GRM6: variants seen among roughly 807,000 people sequenced by gnomAD.
GRM6 encodes the protein metabotropic glutamate receptor 6.
A neutral mutation model predicts 78.4 loss-of-function variants in GRM6; 73 were observed. That is an observed-to-expected ratio of 0.93 (90% confidence interval 0.77 to 1.13). GRM6 has a LOEUF of 1.13. Among genes scored for constraint, GRM6 ranks in the 50% most tolerant of loss-of-function variants. The pLI, the probability that GRM6 is intolerant of heterozygous loss-of-function variation, is 0.00. For missense variants in GRM6, 1,251 were observed against 1,256.4 expected (o/e 1.00, Z 0.07); for synonymous variants, 580 against 555.0 (o/e 1.05, Z -0.63).
rs918523079 is a variant in GRM6 at position 178,988,373 on chromosome 5, T to G, written c.1354+562A>C. 6.6e-6 allele frequency among the ~76,000 whole-genome samples: 1 copy of G among 152,078 alleles called. No homozygotes were observed. The highest frequency in any genetic ancestry group is 1.5e-5 in the Non-Finnish European group (1 of 68,026). Reference sequence around the variant, plus strand: ...GAGTGTTCAGTGGAAGAGCGGAGTTTTGAATTGTGTAAAGGATAGTGATTG... The same window carrying G: ...GAGTGTTCAGTGGAAGAGCGGAGTTGTGAATTGTGTAAAGGATAGTGATTG... On this transcript the variant is annotated intron_variant, in intron 7 of 10. Coordinates refer to ENST00000517717, the MANE Select transcript of GRM6 (RefSeq NM_000843.4). The surrounding 1 kb of genome is among the most constrained non-coding windows in gnomAD (Gnocchi z 6.0).
intron 5 of GRM6, 79 bp downstream of exon 5, chr5:178,990,513 A>G: frequency 8.7e-7 from 1 of 1,151,852 alleles, no homozygotes; most frequent in Non-Finnish European, 1.3e-6. Flanking sequence ...CCAATTACAC[A>G]GATGCAGAAA....
In GRM6 at chr5:178,991,855, C is replaced by A. The variant is rs201103197; in HGVS notation, c.721+12G>T. 6.8e-4 allele frequency: 1,088 copies of A among 1,606,442 alleles called. 1 individual carries two copies. Among genetic ancestry groups the A allele is most frequent in the Non-Finnish European group, 8.4e-4 (988 of 1,173,514 alleles). ...ATGTAGACTCCTTGGTGCCTCGGAGCCCCCAGCTCACCAGCCTCTCGGGAG... is the reference window on the plus strand; with the variant it reads ...ATGTAGACTCCTTGGTGCCTCGGAGACCCCAGCTCACCAGCCTCTCGGGAG... On this transcript the variant is annotated intron_variant, in intron 3 of 10. Transcript: ENST00000517717. This position sits in a 1 kb window ranked among gnomAD's most constrained non-coding sequence, Gnocchi z 5.0.
At position 178,989,318 on chromosome 5, in the gene GRM6, C is replaced by T; in HGVS notation, c.1100G>A (p.Cys367Tyr). ...FAEFWEENFN[C>Y]KLTSSGTQSD... ...CTGGGTACCTGAGCTGGTCAGTTTG[C>T]AGTTAAAATTCTCTTCCCAGAACTC... is the stretch of plus-strand genomic sequence containing the variant. Residue 367 changes from cysteine to tyrosine, a missense_variant, in exon 6 of 11, where the codon TGC (cysteine) becomes TAC (tyrosine). Cys to Tyr is a radical substitution (Grantham distance 194). Coordinates refer to ENST00000517717, the MANE Select transcript of GRM6 (RefSeq NM_000843.4). 2 of 1,603,100 alleles carry T rather than the reference C, an allele frequency of 1.2e-6. No homozygotes were observed. Among genetic ancestry groups the T allele is most frequent in the Non-Finnish European group, 1.7e-6 (2 of 1,174,762 alleles).
chr5:178,986,524 A>T lies in GRM6; in HGVS notation c.1730T>A (p.Val577Glu). 2 of 1,608,472 alleles carry T rather than the reference A, an allele frequency of 1.2e-6. No individual in the cohort carries two copies. The highest frequency in any genetic ancestry group is 1.7e-6 in the Non-Finnish European group (2 of 1,178,438). ...CCAGGGGGAGGACCAGCTCAGGCGC[A>T]CCACAGGTGTGGGGCGGCAGCCCGT... The part of the protein sequence containing the change: ...NHTGCRPTPV[V>E]RLSWSSPWAA... Residue 577 changes from valine (V) to glutamate (E), a missense_variant, in exon 9 of 11, where the codon GTG becomes GAG. Transcript: ENST00000517717.
In GRM6 at chr5:178,989,149, G is replaced by A. The variant is rs201075020; in HGVS notation, c.1154-14C>T. 55 of 1,612,684 alleles carry A rather than the reference G, an allele frequency of 3.4e-5. No individual in the cohort carries two copies. In the East Asian group the frequency reaches 1.1e-3, roughly 33 times the overall value. ...TGCGTTCCTCGCCTGTCCTAGGGAT[G>A]CCCAGAGAAAGTGTGCCCGGCCCCC... On this transcript the variant is annotated splice_polypyrimidine_tract_variant and intron_variant, in intron 6 of 10. Coordinates refer to ENST00000517717, the MANE Select transcript of GRM6 (RefSeq NM_000843.4).
In GRM6 at chr5:178,986,121, C is replaced by A; in HGVS notation, c.2124+9G>T. The A allele has an allele frequency of 6.2e-7, 1 of 1,611,514 alleles. No homozygotes were observed. Among genetic ancestry groups the A allele is most frequent in the Non-Finnish European group, 8.5e-7 (1 of 1,178,804 alleles). On this transcript the variant is annotated intron_variant, in intron 9 of 10. Transcript: ENST00000517717. ...CCCTGCCCTGGCCCTTGGGAGCCTA[C>A]GGACCCACCTGCAGGGAGGTGAGGC...
chr5:178,990,540 G>C, intron 5 of GRM6, 52 bp downstream of exon 5: 10 of 1,439,346 alleles, frequency 6.9e-6, no homozygotes, highest in South Asian at 3.4e-5. Context: ...ATCCCCAAGA[G>C]GGGGTGCTGG....
At chr5:178,989,697 G>A (rs1760638640) in intron 5 of GRM6, 1 of 515,750 alleles carries the variant, frequency 1.9e-6, no homozygotes, top group Non-Finnish European at 3.5e-6. Flanking sequence ...TGCAAACTCA[G>A]AGCCTCACCA....
At position 178,986,305 on chromosome 5, in the gene GRM6, C is replaced by T. The variant is rs1346422578; in HGVS notation, c.1949G>A (p.Cys650Tyr). ...GCCCAGGAAGAGCCTGCGGGCGGCACAGACCGCGGCCCCAGGCTCAGCCAC... is the reference window on the plus strand; with the variant it reads ...GCCCAGGAAGAGCCTGCGGGCGGCATAGACCGCGGCCCCAGGCTCAGCCAC... ...LMVAEPGAAV[C>Y]AARRLFLGLG... The change falls in exon 9 of 11, where the codon TGT becomes TAT. Residue 650 changes from cysteine (C) to tyrosine (Y), a missense_variant. Coordinates refer to ENST00000517717, the MANE Select transcript of GRM6 (RefSeq NM_000843.4). 4 of 1,613,894 alleles carry T rather than the reference C, an allele frequency of 2.5e-6. No individual in the cohort carries two copies. The Admixed American group carries it at 5.0e-5, about 20-fold the overall frequency.
intron 9 of GRM6, among the ~76,000 whole-genome samples, chr5:178,984,086 G>A (rs540601661): frequency 2.6e-4 from 40 of 152,120 alleles, no homozygotes; most frequent in Non-Finnish European, 5.4e-4. Context: ...CCTGAACAAA[G>A]GACCTTCCAA....
rs1760737536 is a variant in GRM6 at position 178,994,517 on chromosome 5, T to TCGGGGGG, written c.421_427dup (p.Glu143AlafsTer48). ...GGCGCCCACGACGGCCACGACGCGC[T>TCGGGGGG]CGGGGGGCGCGGGGCGCAGCGGAGG... On this transcript the variant is annotated frameshift_variant, in exon 2 of 11. Coordinates refer to ENST00000517717, the MANE Select transcript of GRM6 (RefSeq NM_000843.4). LOFTEE classifies it high-confidence loss of function. 1.4e-6 allele frequency: 2 copies of TCGGGGGG among 1,410,184 alleles called. No individual in the cohort carries two copies. Among genetic ancestry groups the TCGGGGGG allele is most frequent in the Non-Finnish European group, 9.2e-7 (1 of 1,088,022 alleles). The allele number at this position is 1,410,184 out of a possible 1,614,324, so 87.4% of individuals were successfully genotyped here.
chr5:178,985,494 G>C (rs1481542250), intron 9 of GRM6: 2 of 341,654 alleles, frequency 5.9e-6, no homozygotes, highest in Admixed American at 4.0e-5. Context: ...ACGAGGTCAG[G>C]AGATCGAGAC....
At chr5:178,985,448 C>T (rs187237525) in intron 9 of GRM6, among the ~76,000 whole-genome samples, 2 of 151,272 alleles carry the variant, frequency 1.3e-5, no homozygotes, top group South Asian at 2.1e-4. Context: ...TCCCGCCTGT[C>T]ATCCCAGCAC....
rs759501962 is a variant in GRM6 at position 178,986,927 on chromosome 5, C to T, written c.1411G>A (p.Asp471Asn). The T allele has an allele frequency of 5.0e-6, 8 of 1,614,070 alleles. No individual in the cohort carries two copies. The highest frequency in any genetic ancestry group is 6.8e-6 in the Non-Finnish European group (8 of 1,179,970). The change falls in exon 8 of 11, where the codon GAC becomes AAC. Residue 471 changes from aspartate to asparagine, a missense_variant. Physicochemically the swap from Asp to Asn is conservative, Grantham distance 23 (BLOSUM62 1). Transcript: ENST00000517717. ...TTGGTCGCCTGGTACTGGAAGATGT[C>T]GTACCGCCCGGGCGCATCTCCGTTC... Reference protein sequence around the residue: ...NENGDAPGRYDIFQYQATNGS... With the variant: ...NENGDAPGRYNIFQYQATNGS...
chr5:178,982,669 ATCTC>A (rs1344930588), intron 10 of GRM6: 2 of 465,676 alleles, frequency 4.3e-6, no homozygotes, highest in African/African-American at 4.2e-5. Context: ...GTGAGGCAAT[ATCTC>A]TCAAAGAAAT....
At chr5:178,994,243 T>A (rs550279655) in intron 2 of GRM6, among the ~76,000 whole-genome samples, 198 bp downstream of exon 2, 28 of 152,252 alleles carry the variant, frequency 1.8e-4, no homozygotes, top group African/African-American at 6.7e-4. Flanking sequence ...GGGGTAGACA[T>A]GGGCGGCTGG....
In GRM6 at chr5:178,991,503, A is replaced by G. The variant is rs1231762338; in HGVS notation, c.778T>C (p.Phe260Leu). Reference sequence around the variant, plus strand: ...ATGAGTCTCCTGATCACCTTGCTGAACTCTCCTGGCTTTGGTTCCCTGGGA... The same window carrying G: ...ATGAGTCTCCTGATCACCTTGCTGAGCTCTCCTGGCTTTGGTTCCCTGGGA... ...KIPREPKPGE[F>L]SKVIRRLMET... The change falls in exon 4 of 11, where the codon TTC becomes CTC. Residue 260 changes from phenylalanine to leucine, a missense_variant. Physicochemically the swap from Phe to Leu is conservative, Grantham distance 22. Transcript: ENST00000517717. This position sits in a 1 kb window ranked among gnomAD's most constrained non-coding sequence, Gnocchi z 5.0. 1 of 1,613,262 alleles carries G rather than the reference A, an allele frequency of 6.2e-7. No individual in the cohort carries two copies. Among genetic ancestry groups the G allele is most frequent in the Admixed American group, 1.7e-5 (1 of 59,992 alleles).
In GRM6 at chr5:178,986,954, C is replaced by A; in HGVS notation, c.1384G>T (p.Glu462Ter). The change falls in exon 8 of 11, where the codon GAG (glutamate) becomes TAG (stop). Residue 462 changes from glutamate to a stop codon, truncating the protein, a stop_gained. Coordinates refer to ENST00000517717, the MANE Select transcript of GRM6 (RefSeq NM_000843.4). LOFTEE classifies it high-confidence loss of function. Reference protein sequence around the residue: ...GSAGTPVMFNENGDAPGRYDI... With the variant: ...GSAGTPVMFN Reference sequence around the variant, plus strand: ...TACCGCCCGGGCGCATCTCCGTTCTCGTTGAACATCACAGGGGTTCCTGCG... The same window carrying A: ...TACCGCCCGGGCGCATCTCCGTTCTAGTTGAACATCACAGGGGTTCCTGCG... The A allele has an allele frequency of 1.2e-6, 2 of 1,613,992 alleles. No homozygotes were observed. The highest frequency in any genetic ancestry group is 1.7e-6 in the Non-Finnish European group (2 of 1,179,972).
In GRM6 at chr5:178,989,393, T is replaced by C; in HGVS notation, c.1025A>G (p.Tyr342Cys). The C allele has an allele frequency of 6.2e-7, 1 of 1,614,076 alleles. No individual in the cohort carries two copies. Among genetic ancestry groups the C allele is most frequent in the Non-Finnish European group, 8.5e-7 (1 of 1,179,992 alleles). Residue 342 changes from tyrosine to cysteine, a missense_variant, in exon 6 of 11, where the codon TAC (tyrosine) becomes TGC (cysteine). By Grantham distance (194) the Tyr-to-Cys change is radical. Transcript: ENST00000517717. ...KRASIDGFDQ[Y>C]FMTRSLENNR... ...GTTCTCCAGGGATCGAGTCATGAAG[T>C]ACTGGTCAAATCCTACAGACAGGGA...
Sources: gnomAD v4.1 joint callset for allele counts (sites outside exome capture counted in the v4.1 genomes callset) on GRCh38, gnomAD v4.1.1 for gene constraint, Gnocchi (gnomAD v3.1) non-coding constraint, MANE v1.5 for transcripts, NCBI Gene and HGNC (gene_info 2026-07-23, HGNC 2026-07-21) for gene names.